Variants in EYS observed in about 807,000 individuals in gnomAD.
EYS encodes the protein EGF-like photoreceptor maintenance factor.
A neutral mutation model predicts 282.1 loss-of-function variants in EYS; 250 were observed. That is an observed-to-expected ratio of 0.89 (90% CI 0.80 to 0.98). EYS has a LOEUF of 0.98. EYS is among the 50% of genes least tolerant of loss of function. The pLI, the probability that EYS is intolerant of heterozygous loss-of-function variation, is 0.00. For missense variants in EYS, 4,016 were observed against 3,709.0 expected, an observed-to-expected ratio of 1.08 and a Z score of -2.15; for synonymous variants, 1,355 against 1,282.9, an observed-to-expected ratio of 1.06 and a Z score of -1.20.
chr6:65,380,651 C>T (rs932454466), intron 8 of EYS, among the ~76,000 whole-genome samples: 4 of 152,054 alleles, frequency 2.6e-5, no homozygotes, highest in Non-Finnish European at 5.9e-5. Context: ...AGCTTCTGCT[C>T]AGCAAAAGAA....
chr6:65,402,306 C>A (rs542493052), intron 7 of EYS, among the ~76,000 whole-genome samples, 172 bp downstream of exon 7: 1 of 151,612 alleles, frequency 6.6e-6, no homozygotes, highest in South Asian at 2.1e-4. Context: ...TAAATTAATA[C>A]CACAACAATT....
At chr6:64,100,463 A>C (rs1041021475) in intron 31 of EYS, among the ~76,000 whole-genome samples, 1 of 151,988 alleles carries the variant, frequency 6.6e-6, no homozygotes, top group African/African-American at 2.4e-5. Flanking sequence ...TGAATCTCAC[A>C]GCCAAAATCC....
intron 12 of EYS, among the ~76,000 whole-genome samples, chr6:65,246,109 T>C (rs773736675): frequency 1.3e-5 from 2 of 152,236 alleles, no homozygotes; most frequent in East Asian, 3.9e-4. Flanking sequence ...AATCTTATTT[T>C]GGTTGTTCCT....
chr6:65,589,942 A>G (rs1008062376), intron 2 of EYS, among the ~76,000 whole-genome samples: 5 of 152,144 alleles, frequency 3.3e-5, no homozygotes, highest in Middle Eastern at 6.8e-3. Flanking sequence ...AATGTCTACA[A>G]TTGTTAAATA....
chr6:64,073,243 TA>T (rs1217644827), intron 32 of EYS, among the ~76,000 whole-genome samples: 1 of 151,934 alleles, frequency 6.6e-6, no homozygotes, highest in African/African-American at 2.4e-5. Flanking sequence ...TTTTATATAA[TA>T]TTTTTTACAA....
At chr6:65,619,128 G>T (rs1383726145) in intron 2 of EYS, among the ~76,000 whole-genome samples, 5 of 151,770 alleles carry the variant, frequency 3.3e-5, no homozygotes, top group Non-Finnish European at 5.9e-5. Flanking sequence ...CATTGAATCT[G>T]CAAATTACCT....
chr6:64,045,959 T>A (rs867877950), intron 33 of EYS, among the ~76,000 whole-genome samples: 1 of 135,240 alleles, frequency 7.4e-6, no homozygotes, highest in South Asian at 2.5e-4. Context: ...TTATATATTT[T>A]ATATATGTAA....
chr6:63,772,846 T>C (rs1371138430), intron 40 of EYS, among the ~76,000 whole-genome samples: 1 of 152,166 alleles, frequency 6.6e-6, no homozygotes, highest in Non-Finnish European at 1.5e-5. Context: ...TAGATAACTA[T>C]TTATAAATTG....
chr6:64,703,272 CTTG>C (rs890563743), intron 22 of EYS, among the ~76,000 whole-genome samples: 1 of 150,370 alleles, frequency 6.7e-6, no homozygotes, highest in African/African-American at 2.4e-5. Flanking sequence ...TATTAATATC[CTTG>C]TTGTATTGAA....
chr6:64,809,378 GA>G (rs773599088), intron 22 of EYS, among the ~76,000 whole-genome samples: 3 of 151,780 alleles, frequency 2.0e-5, no homozygotes, highest in African/African-American at 7.3e-5. Context: ...AGAAAATAAT[GA>G]AAAACTAAGG....
At chr6:64,420,910 T>C (rs1389928170) in intron 28 of EYS, among the ~76,000 whole-genome samples, 1 of 152,180 alleles carries the variant, frequency 6.6e-6, no homozygotes. Context: ...TCTAGGAAGT[T>C]CCAAACTTTC....
chr6:65,394,506 GCA>G, intron 7 of EYS, among the ~76,000 whole-genome samples: 1 of 152,220 alleles, frequency 6.6e-6, no homozygotes, highest in Middle Eastern at 3.4e-3. Context: ...GTGAAGTGCA[GCA>G]CAGAGTCCTG....
intron 35 of EYS, among the ~76,000 whole-genome samples, chr6:63,922,189 C>A (rs537315326): frequency 6.6e-6 from 1 of 152,296 alleles, no homozygotes; most frequent in South Asian, 2.1e-4. Context: ...ATCACTCCAT[C>A]TATGGTATTT....
At chr6:65,518,737 G>A (rs1767234386) in intron 2 of EYS, among the ~76,000 whole-genome samples, 2 of 152,122 alleles carry the variant, frequency 1.3e-5, no homozygotes, top group South Asian at 2.1e-4. Context: ...AAAGGAAAGA[G>A]GTTTAATGGA....
rs1292069644 is a variant in EYS at position 65,231,761 on chromosome 6, A to T, written c.2023+64102T>A. ...AAGACTCCAGTCATGGGATATATTT[A>T]TAATTCCTTAAATCCTTAGTTACCG... is the stretch of plus-strand genomic sequence containing the variant. On this transcript the variant is annotated intron_variant, in intron 12 of 42. Coordinates refer to ENST00000503581, the MANE Select transcript of EYS (RefSeq NM_001142800.2). 2.0e-5 allele frequency among the ~76,000 whole-genome samples: 3 copies of T among 152,090 alleles called. No individual in the cohort carries two copies. The East Asian group carries it at 5.8e-4, about 29-fold the overall frequency.
chr6:63,911,217 T>C (rs1581967000), intron 35 of EYS, among the ~76,000 whole-genome samples: 2 of 152,120 alleles, frequency 1.3e-5, no homozygotes, highest in East Asian at 3.8e-4. Flanking sequence ...CCATTAGCAG[T>C]TGACGCCAAT....
intron 30 of EYS, among the ~76,000 whole-genome samples, chr6:64,272,916 G>A (rs1344944579): frequency 2.0e-5 from 3 of 151,856 alleles, no homozygotes; most frequent in African/African-American, 7.3e-5. Flanking sequence ...TTAATATGTA[G>A]AAATGCAATT....
At position 64,338,840 on chromosome 6, in the gene EYS, G is replaced by A. The variant is rs541601700; in HGVS notation, c.6079-31758C>T. ...CCAGAAATAAACTCAAATACTTACA[G>A]CCAACTGATCTTCAACAAAGCAAAC... On this transcript the variant is annotated intron_variant, in intron 29 of 42. Transcript: ENST00000503581. 2.0e-5 allele frequency among the ~76,000 whole-genome samples: 3 copies of A among 151,974 alleles called. No individual in the cohort carries two copies. The East Asian group carries it at 5.8e-4, about 30-fold the overall frequency.
At chr6:64,083,067 C>A (rs1772028369) in intron 31 of EYS, among the ~76,000 whole-genome samples, 1 of 151,976 alleles carries the variant, frequency 6.6e-6, no homozygotes, top group African/African-American at 2.4e-5. Flanking sequence ...TGCCAACACG[C>A]CTGGCTAACT....
Sources: allele counts gnomAD v4.1 joint callset (sites outside exome capture counted in the v4.1 genomes callset), GRCh38; gene constraint gnomAD v4.1.1; transcripts MANE v1.5; gene names NCBI Gene and HGNC (gene_info 2026-07-23, HGNC 2026-07-21).